HPSE2: variants seen among roughly 807,000 people sequenced by gnomAD.
HPSE2 encodes inactive heparanase-2.
A neutral mutation model predicts 60.5 loss-of-function variants in HPSE2; 38 were observed. The ratio of observed to expected loss-of-function variants is 0.63; its 90% CI spans 0.48 to 0.82. The LOEUF (loss-of-function observed/expected upper bound fraction) is 0.82. HPSE2 is among the 40% of genes least tolerant of loss of function. The pLI, the probability that HPSE2 is intolerant of heterozygous loss-of-function variation, is 0.00. For missense variants in HPSE2, 713 were observed against 740.4 expected, an observed-to-expected ratio of 0.96 and a Z score of 0.43; for synonymous variants, 295 against 293.2, an observed-to-expected ratio of 1.01 and a Z score of -0.06.
At chr10:99,125,115 C>G (rs1845114350) in intron 3 of HPSE2, among the ~76,000 whole-genome samples, 1 of 152,186 alleles carries the variant, frequency 6.6e-6, no homozygotes, top group Non-Finnish European at 1.5e-5. Flanking sequence ...CCCAATCAGG[C>G]AGAAAATAGC....
rs186478296 is a variant in HPSE2, at chr10:98,642,353, T to G, written c.1005-413A>C. ...GAGGTTTGAAAGAATACTCAATCAT[T>G]TTAATAAATTTTTCCATATCTTTAA... On this transcript the variant is annotated intron_variant, in intron 6 of 11. Transcript: ENST00000370552. 1.9e-3 allele frequency among the ~76,000 whole-genome samples: 289 copies of G among 152,296 alleles called. 5 individuals are homozygous for G. The highest frequency in any genetic ancestry group is 2.4e-4 in the Non-Finnish European group (16 of 68,026).
intron 3 of HPSE2, among the ~76,000 whole-genome samples, chr10:98,963,647 G>C (rs1955738929): frequency 6.6e-6 from 1 of 152,172 alleles, no homozygotes; most frequent in South Asian, 2.1e-4. Context: ...AAATACGTAA[G>C]TATGGTTACA....
rs906135461 is a variant in HPSE2 at position 98,936,537 on chromosome 10, A to G, written c.611-192481T>C. Among the ~76,000 whole-genome samples, 34 of 143,132 alleles carry G rather than the reference A, an allele frequency of 2.4e-4. 8 individuals carry two copies. Among genetic ancestry groups the G allele is most frequent in the Admixed American group, 8.3e-4 (12 of 14,410 alleles). The allele number at this position is 143,132 out of a possible 152,430, so 93.9% of individuals were successfully genotyped here. A position where few individuals can be genotyped will look rare whatever the true frequency, so the allele number is the denominator to read the frequency against. On this transcript the variant is annotated intron_variant, in intron 3 of 11. Transcript: ENST00000370552. ...CACTGCTACCTTGACTGGAGAAGGG[A>G]GGTGCCCCCAACTCCGTGCACTTCC...
At chr10:98,841,698 T>G (rs1951916410) in intron 3 of HPSE2, among the ~76,000 whole-genome samples, 1 of 152,202 alleles carries the variant, frequency 6.6e-6, no homozygotes, top group Non-Finnish European at 1.5e-5. Flanking sequence ...TCAATAATTT[T>G]ACTGTATATG....
intron 3 of HPSE2, among the ~76,000 whole-genome samples, chr10:98,991,487 A>T (rs1956523575): frequency 6.6e-6 from 1 of 152,128 alleles, no homozygotes; most frequent in South Asian, 2.1e-4. Flanking sequence ...TAGGAGAAGA[A>T]AGGTCAGAGA....
In HPSE2 at chr10:98,458,885, C is replaced by T. The variant is rs1940158338; in HGVS notation, c.*689G>A. The T allele has an allele frequency of 6.4e-6, 1 of 156,056 alleles. No individual in the cohort carries two copies. Among genetic ancestry groups the T allele is most frequent in the Non-Finnish European group, 1.4e-5 (1 of 70,340 alleles). 9.7% of individuals were successfully genotyped at this position (156,056 alleles called of 1,614,324 possible). Reference sequence around the variant, plus strand: ...TTCACAGAGGAATAGAACCTTCTTACCAAATCTGGAGTGTGATTGTAATTT... The same window carrying T: ...TTCACAGAGGAATAGAACCTTCTTATCAAATCTGGAGTGTGATTGTAATTT... On this transcript the variant is annotated 3_prime_UTR_variant, in exon 12 of 12. Transcript: ENST00000370552.
At chr10:99,227,219 A>T (rs1849501272) in intron 2 of HPSE2, among the ~76,000 whole-genome samples, 1 of 152,106 alleles carries the variant, frequency 6.6e-6, no homozygotes, top group Non-Finnish European at 1.5e-5. Flanking sequence ...TACAAAGTAT[A>T]CACACATTCA....
At chr10:99,309,964 G>A in the HPSE2 span, among the ~76,000 whole-genome samples, 4 of 152,232 alleles carry the variant, frequency 2.6e-5, no homozygotes, top group Non-Finnish European at 4.4e-5. Flanking sequence ...GAAGCCAGAA[G>A]TCTGAAACCA....
the HPSE2 span, among the ~76,000 whole-genome samples, chr10:99,290,975 A>G: frequency 1.3e-5 from 2 of 152,202 alleles, no homozygotes; most frequent in East Asian, 1.9e-4. Flanking sequence ...AAATCATTCA[A>G]AAAGACTTTT....
the HPSE2 span, among the ~76,000 whole-genome samples, chr10:99,259,324 G>C: frequency 8.5e-6 from 1 of 117,038 alleles, no homozygotes; most frequent in African/African-American, 2.9e-5. Context: ...AAAAAAAAAA[G>C]ACACTGTTAG....
At chr10:98,616,599 A>C (rs1945916696) in intron 8 of HPSE2, among the ~76,000 whole-genome samples, 1 of 152,200 alleles carries the variant, frequency 6.6e-6, no homozygotes, top group Admixed American at 6.5e-5. Context: ...AATGTTTTTT[A>C]CATTTACAAT....
intron 3 of HPSE2, among the ~76,000 whole-genome samples, chr10:98,940,894 TG>T (rs1954976230): frequency 7.6e-6 from 1 of 131,548 alleles, no homozygotes; most frequent in South Asian, 2.3e-4. Context: ...CATAATCAAG[TG>T]GGCTTCATCC....
intron 4 of HPSE2, among the ~76,000 whole-genome samples, chr10:98,741,883 G>T (rs367873528): frequency 2.6e-5 from 4 of 152,062 alleles, no homozygotes; most frequent in African/African-American, 9.7e-5. Flanking sequence ...AGAATATTTT[G>T]CCCTGTTTGG....
intron 9 of HPSE2, among the ~76,000 whole-genome samples, chr10:98,501,227 A>G (rs1942019671): frequency 6.6e-6 from 1 of 152,110 alleles, no homozygotes; most frequent in South Asian, 2.1e-4. Flanking sequence ...CAAAACCAGG[A>G]AAGAACATAA....
intron 3 of HPSE2, among the ~76,000 whole-genome samples, chr10:98,769,346 G>T (rs1950193119): frequency 6.6e-6 from 1 of 152,130 alleles, no homozygotes; most frequent in South Asian, 2.1e-4. Context: ...GGAGGTGGGA[G>T]TTGGGGGATG....
chr10:98,735,966 G>A (rs1177729656), intron 4 of HPSE2, among the ~76,000 whole-genome samples: 2 of 152,128 alleles, frequency 1.3e-5, no homozygotes, highest in East Asian at 3.9e-4. Flanking sequence ...GGGAAGGCAT[G>A]ATTGGTTTTT....
At chr10:98,555,752 C>A (rs960242597) in intron 9 of HPSE2, among the ~76,000 whole-genome samples, 2 of 152,090 alleles carry the variant, frequency 1.3e-5, no homozygotes, top group East Asian at 3.9e-4. Context: ...GGAATAAAGG[C>A]ATTGTAACTT....
intron 3 of HPSE2, among the ~76,000 whole-genome samples, chr10:98,911,995 A>G (rs941256850): frequency 9.2e-5 from 14 of 152,216 alleles, no homozygotes; most frequent in African/African-American, 3.4e-4. Context: ...TGTTACGATA[A>G]TTAAATATGA....
At chr10:98,880,175 G>A (rs772188264) in intron 3 of HPSE2, among the ~76,000 whole-genome samples, 21 of 151,874 alleles carry the variant, frequency 1.4e-4, no homozygotes, top group Admixed American at 5.9e-4. Flanking sequence ...TTTTTCTTAA[G>A]ACAGTTTTCA....
Sources: gnomAD v4.1 joint callset for allele counts (sites outside exome capture counted in the v4.1 genomes callset) on GRCh38, gnomAD v4.1.1 for gene constraint, MANE v1.5 for transcripts, NCBI Gene and HGNC (gene_info 2026-07-23, HGNC 2026-07-21) for gene names.